Variants in PTPRJ observed in about 807,000 individuals in gnomAD.
The protein encoded by PTPRJ is receptor-type tyrosine-protein phosphatase eta.
A neutral mutation model predicts 141.3 loss-of-function variants in PTPRJ; 129 were observed. The observed-to-expected ratio is 0.91, with a 90% CI of 0.79 to 1.06. PTPRJ has a LOEUF of 1.06. Among genes scored for constraint, PTPRJ ranks in the 50% least tolerant of loss-of-function variants. The probability of loss-of-function intolerance (pLI) is 0.00; values close to 1 mark genes in which losing one functional copy is unlikely to be tolerated. For synonymous variants in PTPRJ, 610 were observed against 640.5 expected (o/e 0.95, Z 0.72); for missense variants, 1,601 against 1,679.7 (o/e 0.95, Z 0.82).
chr11:48,123,961 A>G, intron 5 of PTPRJ, 91 bp downstream of exon 5: 3 of 1,387,530 alleles, frequency 2.2e-6, no homozygotes, highest in South Asian at 1.4e-5. Flanking sequence ...TTCCATGTGT[A>G]TGGAGATTTA....
chr11:48,097,613 C>T (rs1856044334), intron 1 of PTPRJ, among the ~76,000 whole-genome samples: 1 of 151,892 alleles, frequency 6.6e-6, no homozygotes, highest in Non-Finnish European at 1.5e-5. Flanking sequence ...TCTCAGCTCA[C>T]TGCAACCTCC....
intron 1 of PTPRJ, among the ~76,000 whole-genome samples, chr11:48,025,191 G>A (rs543592060): frequency 1.4e-4 from 21 of 152,098 alleles, no homozygotes; most frequent in Non-Finnish European, 2.4e-4. Flanking sequence ...GAGGCCTTTC[G>A]GGCAGCCTGG....
intron 14 of PTPRJ, 144 bp from the exon 15 acceptor site, chr11:48,146,732 C>T (rs200661890): frequency 1.6e-4 from 110 of 689,662 alleles, no homozygotes; most frequent in East Asian, 1.5e-3. Context: ...TGTGTGTGTG[C>T]GCCTGTGTGT....
At position 48,130,486 on chromosome 11, in the gene PTPRJ, TG is replaced by T; in HGVS notation, c.1386del (p.Thr463GlnfsTer10). ...TPPVPVSDFR[V>X]TVVSTTEIGL... Reference sequence around the variant, plus strand: ...CCTGTTCCAGTTTCTGACTTCCGAGTGACAGTGGTCAGCACGACGGAGATCG... The same window carrying T: ...CCTGTTCCAGTTTCTGACTTCCGAGTACAGTGGTCAGCACGACGGAGATCG... On this transcript the variant is annotated frameshift_variant, in exon 8 of 25. Coordinates refer to ENST00000418331, the MANE Select transcript of PTPRJ (RefSeq NM_002843.4). LOFTEE classifies it high-confidence loss of function. The T allele has an allele frequency of 6.2e-7, 1 of 1,612,268 alleles. No homozygotes were observed.
chr11:48,058,845 A>AG (rs1385162800), intron 1 of PTPRJ, among the ~76,000 whole-genome samples: 1 of 152,156 alleles, frequency 6.6e-6, no homozygotes, highest in Non-Finnish European at 1.5e-5. Context: ...ATCCTCCCAA[A>AG]GGCCTGTACG....
chr11:48,153,009 T>A (rs929809411), intron 18 of PTPRJ, among the ~76,000 whole-genome samples: 1 of 152,170 alleles, frequency 6.6e-6, no homozygotes, highest in African/African-American at 2.4e-5. Context: ...CCATATCACC[T>A]CTACATTTCC....
intron 2 of PTPRJ, among the ~76,000 whole-genome samples, chr11:48,111,372 G>T (rs1382727072): frequency 6.9e-6 from 1 of 144,902 alleles, no homozygotes; most frequent in South Asian, 2.1e-4. Flanking sequence ...AAAAACCATG[G>T]TTTTTGTTTC....
At chr11:48,028,602 C>A (rs1317160360) in intron 1 of PTPRJ, among the ~76,000 whole-genome samples, 4 of 152,160 alleles carry the variant, frequency 2.6e-5, no homozygotes, top group Admixed American at 1.3e-4. Flanking sequence ...ACCAGCCTGG[C>A]CAACGTGGTG....
intron 21 of PTPRJ, 97 bp from the exon 22 acceptor site, chr11:48,159,833 T>C: frequency 6.7e-7 from 1 of 1,485,202 alleles, no homozygotes; most frequent in Non-Finnish European, 9.3e-7. Context: ...ATTCCATCTC[T>C]GATGCCAGTT....
chr11:48,051,996 G>A (rs781607677), intron 1 of PTPRJ, among the ~76,000 whole-genome samples: 1 of 152,254 alleles, frequency 6.6e-6, no homozygotes, highest in African/African-American at 2.4e-5. Context: ...AGTGATGATA[G>A]TGACAATAAA....
Position 48,123,706 on chromosome 11 carries a change from G to T in PTPRJ, c.710G>T (p.Arg237Leu). The T allele has an allele frequency of 6.2e-7, 1 of 1,614,138 alleles. No individual in the cohort carries two copies. Reference sequence around the variant, plus strand: ...AATGGCAATGGCACTGCCTCCTGCCGGGTTCTTCTTGAAAGCATTGGAAGC... The same window carrying T: ...AATGGCAATGGCACTGCCTCCTGCCTGGTTCTTCTTGAAAGCATTGGAAGC... ...WSNGNGTASC[R>L]VLLESIGSHE... The change falls in exon 5 of 25, where the codon CGG becomes CTG. Residue 237 changes from arginine to leucine, a missense_variant. Physicochemically the swap from Arg to Leu is moderately radical, Grantham distance 102. Coordinates refer to ENST00000418331, the MANE Select transcript of PTPRJ (RefSeq NM_002843.4).
intron 1 of PTPRJ, among the ~76,000 whole-genome samples, chr11:48,008,322 G>A (rs1006264672): frequency 3.3e-5 from 5 of 152,144 alleles, no homozygotes; most frequent in Non-Finnish European, 7.3e-5. Flanking sequence ...GTGCAGTGGC[G>A]TGATCTTGGC....
chr11:48,042,327 C>G (rs533394307), intron 1 of PTPRJ, among the ~76,000 whole-genome samples: 1 of 152,164 alleles, frequency 6.6e-6, no homozygotes, highest in Non-Finnish European at 1.5e-5. Context: ...GAATAGAACA[C>G]TCTGTGTCCT....
intron 1 of PTPRJ, among the ~76,000 whole-genome samples, chr11:48,055,963 G>C (rs1256610420): frequency 2.6e-5 from 4 of 152,236 alleles, no homozygotes; most frequent in African/African-American, 9.6e-5. Context: ...TATACAAGGT[G>C]TTCTCAGAGA....
chr11:48,089,048 G>A (rs1001058204), intron 1 of PTPRJ, among the ~76,000 whole-genome samples: 2 of 53,040 alleles, frequency 3.8e-5, no homozygotes, highest in Non-Finnish European at 1.2e-4. Context: ...AGCGTGCTGT[G>A]CGCCAGGAGG....
At chr11:48,166,812 AG>A (rs1040303470) in intron 24 of PTPRJ, among the ~76,000 whole-genome samples, 10 of 152,156 alleles carry the variant, frequency 6.6e-5, no homozygotes, top group Admixed American at 1.3e-4. Flanking sequence ...TCCTCGGTTG[AG>A]CATTACAGTT....
intron 19 of PTPRJ, among the ~76,000 whole-genome samples, chr11:48,155,561 A>G (rs756771037): frequency 6.6e-5 from 10 of 152,040 alleles, no homozygotes; most frequent in Non-Finnish European, 1.2e-4. Context: ...GCAGGTTCAA[A>G]TCCTGGCCCT....
intron 1 of PTPRJ, among the ~76,000 whole-genome samples, chr11:47,997,251 C>T (rs539291042): frequency 5.9e-4 from 90 of 152,362 alleles, no homozygotes; most frequent in African/African-American, 2.0e-3. Context: ...AAAGGGCAAA[C>T]TACCCTTGCT....
intron 1 of PTPRJ, among the ~76,000 whole-genome samples, chr11:48,043,388 G>T (rs564193376): frequency 1.1e-4 from 17 of 152,072 alleles, no homozygotes; most frequent in Admixed American, 1.1e-3. Flanking sequence ...TTCTAGTTGG[G>T]TTTTTTTGTT....
Sources: gnomAD v4.1 joint callset for allele counts (sites outside exome capture counted in the v4.1 genomes callset) on GRCh38, gnomAD v4.1.1 for gene constraint, MANE v1.5 for transcripts, NCBI Gene and HGNC (gene_info 2026-07-23, HGNC 2026-07-21) for gene names.